Variants in GBF1 observed in about 807,000 individuals in gnomAD.
GBF1 encodes the protein Golgi-specific brefeldin A-resistance guanine nucleotide exchange factor 1.
Under a neutral mutation model 210.5 loss-of-function variants are expected in GBF1, and 114 were observed. The ratio of observed to expected loss-of-function variants is 0.54; its 90% confidence interval spans 0.47 to 0.63. The LOEUF (loss-of-function observed/expected upper bound fraction) is 0.63, where lower values mean the gene tolerates loss of function less well. GBF1 is among the 30% of genes least tolerant of loss of function. The probability of loss-of-function intolerance (pLI) is 0.00; values close to 1 mark genes in which losing one functional copy is unlikely to be tolerated. For missense variants in GBF1, 1,851 were observed against 2,357.7 expected, an observed-to-expected ratio of 0.79 and a Z score of 4.45; for synonymous variants, 850 against 889.2, an observed-to-expected ratio of 0.96 and a Z score of 0.78.
At chr10:102,286,768 A>T (rs1375218447) in intron 3 of GBF1, among the ~76,000 whole-genome samples, 1 of 152,218 alleles carries the variant, frequency 6.6e-6, no homozygotes, top group Admixed American at 6.5e-5. Flanking sequence ...CTCAGGGAGA[A>T]TCTTGTGAAT....
chr10:102,374,988 T>C (rs2060411924), intron 29 of GBF1, among the ~76,000 whole-genome samples: 2 of 151,278 alleles, frequency 1.3e-5, no homozygotes, highest in African/African-American at 4.9e-5. Context: ...CTGGGCAACA[T>C]AGCGAGACCC....
At chr10:102,231,227 C>T in the GBF1 span, 1 of 975,734 alleles carries the variant, frequency 1.0e-6, no homozygotes. Flanking sequence ...TGGCTAGAGA[C>T]GGGGTGGGAG....
intron 3 of GBF1, among the ~76,000 whole-genome samples, chr10:102,276,754 A>G (rs542722788): frequency 5.9e-5 from 9 of 152,256 alleles, no homozygotes; most frequent in Admixed American, 1.3e-4. Context: ...TAGTCTAACA[A>G]AAGCTCCAAA....
At chr10:102,308,552 A>ATGATGAGT in intron 3 of GBF1, among the ~76,000 whole-genome samples, 1 of 152,314 alleles carries the variant, frequency 6.6e-6, no homozygotes, top group East Asian at 1.9e-4. Flanking sequence ...GCCATAAAAA[A>ATGATGAGT]TGATGAGTTC....
At chr10:102,316,555 T>A (rs1358064937) in intron 3 of GBF1, among the ~76,000 whole-genome samples, 1 of 152,210 alleles carries the variant, frequency 6.6e-6, no homozygotes, top group Non-Finnish European at 1.5e-5. Context: ...AGAACCACCA[T>A]TTAGGTCTTC....
chr10:102,379,722 C>T, intron 35 of GBF1, 71 bp downstream of exon 35: 1 of 1,547,890 alleles, frequency 6.5e-7, no homozygotes, highest in Admixed American at 1.7e-5. Context: ...GCCTGAAGAG[C>T]CCCTAATGTG....
At chr10:102,236,001 G>A in the GBF1 span, among the ~76,000 whole-genome samples, 1 of 152,216 alleles carries the variant, frequency 6.6e-6, no homozygotes, top group African/African-American at 2.4e-5. Context: ...AGAGAGAGGA[G>A]CCACAGCTGA....
chr10:102,268,845 G>T (rs1222027628), intron 3 of GBF1, among the ~76,000 whole-genome samples: 4 of 152,188 alleles, frequency 2.6e-5, no homozygotes, highest in African/African-American at 9.7e-5. Flanking sequence ...GAGTACATTT[G>T]TCTTTTCTCT....
intron 3 of GBF1, among the ~76,000 whole-genome samples, chr10:102,320,108 C>T (rs1318738034): frequency 6.6e-6 from 1 of 152,016 alleles, no homozygotes; most frequent in East Asian, 1.9e-4. Context: ...GAAAGGACAC[C>T]TGGGGATGTA....
At chr10:102,245,522 G>C (rs546853060), upstream of GBF1, 6 of 152,420 alleles carry the variant, frequency 3.9e-5, no homozygotes, top group East Asian at 1.9e-4. Flanking sequence ...CAGCGGGCTA[G>C]ACTGAGGCTA....
chr10:102,352,434 T>G, intron 6 of GBF1, 24 bp from the exon 7 acceptor site: 1 of 1,523,406 alleles, frequency 6.6e-7, no homozygotes, highest in Non-Finnish European at 9.1e-7. Flanking sequence ...ATGACACCTG[T>G]GTTATTTGTT....
At chr10:102,327,828 GAGAC>G (rs1490394472) in intron 3 of GBF1, among the ~76,000 whole-genome samples, 2 of 152,202 alleles carry the variant, frequency 1.3e-5, no homozygotes, top group Non-Finnish European at 2.9e-5. Flanking sequence ...GATAAAACAA[GAGAC>G]AGACAGACAG....
chr10:102,362,692 C>T (rs1443089715), intron 15 of GBF1, 28 bp downstream of exon 15: 3 of 1,562,706 alleles, frequency 1.9e-6, no homozygotes, highest in East Asian at 2.2e-5. Flanking sequence ...CTTTGATGAA[C>T]CCAGTGTTCT....
At position 102,382,061 on chromosome 10, in the gene GBF1, G is replaced by A. The variant is rs765862977; in HGVS notation, c.5308G>A (p.Glu1770Lys). Residue 1770 changes from glutamate (E) to lysine (K), a missense_variant, in exon 40 of 40, where the codon GAG becomes AAG. Transcript: ENST00000369983. The part of the protein sequence containing the change: ...IPSELGACDF[E>K]KPESPRAASS... ...CCACCTTGCTTTCCCTACAGACTTT[G>A]AGAAGCCCGAGAGCCCCCGAGCCGC... The A allele has an allele frequency of 6.5e-7, 1 of 1,537,752 alleles. No homozygotes were observed. The highest frequency in any genetic ancestry group is 1.4e-5 in the African/African-American group (1 of 72,470).
At chr10:102,375,964 A>C (rs556988313) in intron 30 of GBF1, among the ~76,000 whole-genome samples, 1 of 152,020 alleles carries the variant, frequency 6.6e-6, no homozygotes, top group East Asian at 2.0e-4. Context: ...CTGGGAAAAC[A>C]GTCCTCAGGA....
intron 8 of GBF1, among the ~76,000 whole-genome samples, chr10:102,354,478 CCT>C (rs139208244): frequency 0.024 from 3,576 of 152,112 alleles, 130 homozygotes; most frequent in African/African-American, 0.081. Flanking sequence ...GGTCTCTCTC[CCT>C]CTCTTTCCCT....
chr10:102,294,164 G>A (rs1171096609), intron 3 of GBF1, among the ~76,000 whole-genome samples: 1 of 152,018 alleles, frequency 6.6e-6, no homozygotes, highest in Non-Finnish European at 1.5e-5. Flanking sequence ...ATTATGGTAA[G>A]CTAAGGTTAA....
At chr10:102,250,494 A>G (rs1460567550) in intron 1 of GBF1, among the ~76,000 whole-genome samples, 2 of 151,242 alleles carry the variant, frequency 1.3e-5, no homozygotes, top group Non-Finnish European at 2.9e-5. Flanking sequence ...AGTGGCTGGA[A>G]CTACAGGCAT....
chr10:102,366,965 A>G lies in GBF1; in HGVS notation c.2434-120A>G. ...CAGCTTCTGTTAAGGAGTTGGCAAGAGACTGGCCACTTTCTGGATGGTACC... is the reference window on the plus strand; with the variant it reads ...CAGCTTCTGTTAAGGAGTTGGCAAGGGACTGGCCACTTTCTGGATGGTACC... On this transcript the variant is annotated intron_variant, in intron 19 of 39. Coordinates refer to ENST00000369983, the MANE Select transcript of GBF1 (RefSeq NM_001377137.1). This position sits in a 1 kb window ranked among gnomAD's most constrained non-coding sequence, Gnocchi z 4.0. 1 of 1,082,696 alleles carries G rather than the reference A, an allele frequency of 9.2e-7. No individual in the cohort carries two copies. The highest frequency in any genetic ancestry group is 1.4e-6 in the Non-Finnish European group (1 of 736,556). 67.1% of individuals were successfully genotyped at this position (1,082,696 alleles called of 1,614,324 possible). A position where few individuals can be genotyped will look rare whatever the true frequency, so the allele number is the denominator to read the frequency against.
Sources: allele counts gnomAD v4.1 joint callset (sites outside exome capture counted in the v4.1 genomes callset), GRCh38; gene constraint gnomAD v4.1.1; non-coding constraint Gnocchi (gnomAD v3.1); transcripts MANE v1.5; gene names NCBI Gene and HGNC (gene_info 2026-07-23, HGNC 2026-07-21).